CLNK: variants seen among roughly 807,000 people sequenced by gnomAD.
The protein encoded by CLNK is cytokine-dependent hematopoietic cell linker.
In CLNK, 74 loss-of-function variants were observed where a neutral mutation model predicts 68.6. The ratio of observed to expected loss-of-function variants is 1.08; its 90% CI spans 0.89 to 1.31. The LOEUF (loss-of-function observed/expected upper bound fraction) is 1.31. Ranked by LOEUF, CLNK falls within the 50% of genes most tolerant of loss-of-function variation. The pLI is 0.00. For synonymous variants in CLNK, 198 were observed against 172.2 expected, an observed-to-expected ratio of 1.15 and a Z score of -1.17; for missense variants, 553 against 515.3, an observed-to-expected ratio of 1.07 and a Z score of -0.71.
chr4:10,703,514 T>A, the CLNK span, among the ~76,000 whole-genome samples: 10 of 152,318 alleles, frequency 6.6e-5, no homozygotes, highest in Admixed American at 1.3e-4. Flanking sequence ...TTCCTTAGTA[T>A]AACCGAGAGG....
chr4:10,705,423 A>T, the CLNK span, among the ~76,000 whole-genome samples: 3 of 152,230 alleles, frequency 2.0e-5, no homozygotes, highest in African/African-American at 7.2e-5. Flanking sequence ...CCAGAATTCC[A>T]AAATGAGTCT....
chr4:10,667,834 C>A (rs754745346), intron 2 of CLNK, 25 bp downstream of exon 2: 50 of 1,578,772 alleles, frequency 3.2e-5, no homozygotes, highest in Admixed American at 3.0e-4. Context: ...GGAACTGGGG[C>A]TCACAGTGAT....
chr4:10,524,681 C>T (rs114009241), intron 14 of CLNK, among the ~76,000 whole-genome samples: 6 of 152,278 alleles, frequency 3.9e-5, no homozygotes, highest in East Asian at 1.9e-4. Flanking sequence ...GTAAAGGGCT[C>T]GGTCTTTCCC....
chr4:10,709,098 G>T, the CLNK span, among the ~76,000 whole-genome samples: 1 of 152,156 alleles, frequency 6.6e-6, no homozygotes, highest in Non-Finnish European at 1.5e-5. Flanking sequence ...TCTATGATTT[G>T]CAGATAGTGG....
At chr4:10,519,022 C>T (rs1387699532) in intron 15 of CLNK, among the ~76,000 whole-genome samples, 3 of 152,156 alleles carry the variant, frequency 2.0e-5, no homozygotes, top group African/African-American at 7.2e-5. Flanking sequence ...GTGGGGTGGT[C>T]TTCACTCTGC....
At position 10,684,149 on chromosome 4, in the gene CLNK, CT is replaced by C. The variant is rs144092473; in HGVS notation, c.-43+518del. 1.6e-3 allele frequency among the ~76,000 whole-genome samples: 249 copies of C among 152,294 alleles called. 1 individual carries two copies. The highest frequency in any genetic ancestry group is 5.1e-3 in the African/African-American group (212 of 41,572). ...TAACCTCACTTTTGAGCTCCTTACT[CT>C]TGTGAGTGGAAGGATGTCTGCGTGA... is the stretch of plus-strand genomic sequence containing the variant. On this transcript the variant is annotated intron_variant, in intron 1 of 18. Coordinates refer to ENST00000226951, the MANE Select transcript of CLNK (RefSeq NM_052964.4).
At chr4:10,574,422 A>T (rs1185511532) in intron 4 of CLNK, among the ~76,000 whole-genome samples, 1 of 152,092 alleles carries the variant, frequency 6.6e-6, no homozygotes, top group Non-Finnish European at 1.5e-5. Flanking sequence ...CCCATTCTCC[A>T]TGTCTGATCA....
chr4:10,678,111 A>C (rs1483359477), intron 1 of CLNK, among the ~76,000 whole-genome samples: 1 of 152,180 alleles, frequency 6.6e-6, no homozygotes, highest in African/African-American at 2.4e-5. Context: ...CCCCTTGCAT[A>C]ATTAACTATT....
chr4:10,635,122 T>A (rs1348764082), intron 2 of CLNK, among the ~76,000 whole-genome samples: 1 of 152,256 alleles, frequency 6.6e-6, no homozygotes, highest in Non-Finnish European at 1.5e-5. Flanking sequence ...TTTACTTATT[T>A]AAGCATTCAG....
Position 10,490,810 on chromosome 4 carries a change from G to A in CLNK, c.1141-197C>T, listed in dbSNP as rs148703616. Among the ~76,000 whole-genome samples, 1,131 of 152,226 alleles carry A rather than the reference G, an allele frequency of 7.4e-3. 12 individuals are homozygous for A. The highest frequency in any genetic ancestry group is 0.026 in the African/African-American group (1,072 of 41,536). On this transcript the variant is annotated intron_variant, in intron 18 of 18. Coordinates refer to ENST00000226951, the MANE Select transcript of CLNK (RefSeq NM_052964.4). ...GACGTTGTTTTGCTCTGTCACCCAG[G>A]CTGGAATGCAGTGCCACAATCTCGG...
chr4:10,685,760 G>A (rs1725248046), upstream of CLNK, among the ~76,000 whole-genome samples: 1 of 152,158 alleles, frequency 6.6e-6, no homozygotes, highest in Non-Finnish European at 1.5e-5. Flanking sequence ...CAACTTGCAA[G>A]CATTATCCTC....
Position 10,666,691 on chromosome 4 carries a change from T to G in CLNK, c.11+1168A>C, listed in dbSNP as rs555825364. Among the ~76,000 whole-genome samples, 4 of 152,342 alleles carry G rather than the reference T, an allele frequency of 2.6e-5. No individual in the cohort carries two copies. In the East Asian group the frequency reaches 7.7e-4, roughly 29 times the overall value. ...GGGAGGAAAAGGAGGTCACAACTCC[T>G]GGCAAAGAAGGGATGCTTGATTAGC... On this transcript the variant is annotated intron_variant, in intron 2 of 18. Coordinates refer to ENST00000226951, the MANE Select transcript of CLNK (RefSeq NM_052964.4).
At chr4:10,671,459 C>A (rs16871931) in intron 1 of CLNK, among the ~76,000 whole-genome samples, 1,726 of 152,202 alleles carry the variant, frequency 0.011, 33 homozygotes, top group African/African-American at 0.04. Context: ...CACAAAGTGT[C>A]ATCAGCAAGA....
intron 2 of CLNK, among the ~76,000 whole-genome samples, chr4:10,667,433 G>T (rs1724443872): frequency 7.3e-6 from 1 of 136,780 alleles, no homozygotes; most frequent in African/African-American, 2.8e-5. Flanking sequence ...TTTTTAATCA[G>T]GCACAAATTT....
intron 11 of CLNK, among the ~76,000 whole-genome samples, chr4:10,532,759 G>A (rs1718599266): frequency 6.6e-6 from 1 of 152,154 alleles, no homozygotes; most frequent in Admixed American, 6.5e-5. Context: ...TCTGAGACAG[G>A]AGAAAAACAT....
At chr4:10,650,251 A>G (rs1205383086) in intron 2 of CLNK, among the ~76,000 whole-genome samples, 1 of 152,156 alleles carries the variant, frequency 6.6e-6, no homozygotes, top group Admixed American at 6.6e-5. Flanking sequence ...AAAGGTTGGG[A>G]GATGAAGGCT....
chr4:10,658,577 T>C lies in CLNK; in HGVS notation c.11+9282A>G, dbSNP rs142611131. Among the ~76,000 whole-genome samples, 54 of 152,318 alleles carry C rather than the reference T, an allele frequency of 3.5e-4. 1 individual carries two copies. In the East Asian group the frequency reaches 8.5e-3, roughly 24 times the overall value. On this transcript the variant is annotated intron_variant, in intron 2 of 18. Transcript: ENST00000226951. ...ATCCCTGGTTCTCAAGGCGGGTGCCTAGTGCCCCAGCCTCCCTATCTCCCC... is the reference window on the plus strand; with the variant it reads ...ATCCCTGGTTCTCAAGGCGGGTGCCCAGTGCCCCAGCCTCCCTATCTCCCC...
At chr4:10,684,490 G>T (rs73216739) in intron 1 of CLNK, among the ~76,000 whole-genome samples, 178 bp downstream of exon 1, 37 of 152,180 alleles carry the variant, frequency 2.4e-4, no homozygotes, top group Admixed American at 7.2e-4. Flanking sequence ...AGAATGAAAG[G>T]ATCTTTAACA....
At chr4:10,616,320 A>G (rs1348527056) in intron 2 of CLNK, among the ~76,000 whole-genome samples, 2 of 152,232 alleles carry the variant, frequency 1.3e-5, no homozygotes, top group Admixed American at 6.5e-5. Flanking sequence ...CTTTGTGGAC[A>G]CATTAGACTT....
Sources: gnomAD v4.1 joint callset for allele counts (sites outside exome capture counted in the v4.1 genomes callset) on GRCh38, gnomAD v4.1.1 for gene constraint, MANE v1.5 for transcripts, NCBI Gene and HGNC (gene_info 2026-07-23, HGNC 2026-07-21) for gene names.